DCC: variants seen among roughly 807,000 people sequenced by gnomAD.
DCC encodes the protein netrin receptor DCC.
DCC carries 58 observed loss-of-function variants against 172.5 expected under a neutral mutation model. That is an observed-to-expected ratio of 0.34 (90% CI 0.27 to 0.42). DCC has a LOEUF of 0.42. Among genes scored for constraint, DCC ranks in the 10% least tolerant of loss-of-function variants. The pLI, the probability that DCC is intolerant of heterozygous loss-of-function variation, is 1.00. For synonymous variants in DCC, 709 were observed against 644.5 expected, an observed-to-expected ratio of 1.10 and a Z score of -1.52; for missense variants, 1,740 against 1,791.0, an observed-to-expected ratio of 0.97 and a Z score of 0.51.
intron 26 of DCC, among the ~76,000 whole-genome samples, chr18:53,492,797 C>G (rs1568166242): frequency 6.6e-6 from 1 of 151,914 alleles, no homozygotes; most frequent in Non-Finnish European, 1.5e-5. Flanking sequence ...ATTCTCTTGG[C>G]TATATGAGCT....
At chr18:52,370,721 A>T (rs1456213112) in intron 1 of DCC, among the ~76,000 whole-genome samples, 1 of 152,218 alleles carries the variant, frequency 6.6e-6, no homozygotes, top group African/African-American at 2.4e-5. Flanking sequence ...ACTTAAAATA[A>T]AAGTTAAAGA....
intron 5 of DCC, among the ~76,000 whole-genome samples, chr18:53,045,902 GT>G (rs1306849288): frequency 1.3e-5 from 2 of 151,874 alleles, no homozygotes; most frequent in African/African-American, 2.4e-5. Context: ...GTCAAAGACT[GT>G]TTTCATCGAC....
intron 5 of DCC, among the ~76,000 whole-genome samples, chr18:52,953,023 A>AAAAAAAAAC (rs1410549172): frequency 6.7e-6 from 1 of 149,154 alleles, no homozygotes; most frequent in Admixed American, 6.9e-5. Flanking sequence ...AAAAAAAAAA[A>AAAAAAAAAC]AAAAACTCAT....
chr18:52,589,042 C>G (rs552456432), intron 1 of DCC, among the ~76,000 whole-genome samples: 44 of 152,080 alleles, frequency 2.9e-4, no homozygotes, highest in Non-Finnish European at 5.9e-4. Context: ...AAAGTGCATG[C>G]CCATAGAAGG....
At chr18:52,903,140 C>A (rs546288010) in intron 2 of DCC, among the ~76,000 whole-genome samples, 1 of 152,164 alleles carries the variant, frequency 6.6e-6, no homozygotes, top group African/African-American at 2.4e-5. Context: ...GCTCTAGAAC[C>A]TACTTGCAAA....
rs146448393 is a variant in DCC, at chr18:52,899,504, C to T, written c.413-6540C>T. ...AAGTAGCTGGGGTTACAGACATGTA[C>T]CACCACGCCCATCTAATTTTTTGTA... On this transcript the variant is annotated intron_variant, in intron 2 of 28. Coordinates refer to ENST00000442544, the MANE Select transcript of DCC (RefSeq NM_005215.4). Among the ~76,000 whole-genome samples the T allele has an allele frequency of 2.1e-3, 313 of 152,016 alleles. 1 individual carries two copies. Among genetic ancestry groups the T allele is most frequent in the African/African-American group, 7.2e-3 (297 of 41,482 alleles).
intron 1 of DCC, among the ~76,000 whole-genome samples, chr18:52,520,903 T>C (rs920189502): frequency 2.0e-5 from 3 of 152,166 alleles, no homozygotes; most frequent in African/African-American, 7.2e-5. Flanking sequence ...GTAAACAAAT[T>C]CTTTGGACTT....
intron 1 of DCC, among the ~76,000 whole-genome samples, chr18:52,567,381 G>A (rs1006160879): frequency 2.0e-5 from 3 of 151,958 alleles, no homozygotes; most frequent in African/African-American, 7.3e-5. Flanking sequence ...GATCAAAATG[G>A]CAGGAAAATG....
chr18:52,881,093 C>A (rs937645019), intron 2 of DCC, among the ~76,000 whole-genome samples: 1 of 152,028 alleles, frequency 6.6e-6, no homozygotes, highest in Non-Finnish European at 1.5e-5. Flanking sequence ...CTTTGATTTG[C>A]ATTTTTCTGA....
At position 52,887,271 on chromosome 18, in the gene DCC, C is replaced by A. The variant is rs114857498; in HGVS notation, c.413-18773C>A. Among the ~76,000 whole-genome samples, 315 of 151,616 alleles carry A rather than the reference C, an allele frequency of 2.1e-3. 1 individual carries two copies. Among genetic ancestry groups the A allele is most frequent in the African/African-American group, 7.2e-3 (299 of 41,404 alleles). ...TAATGCAGGCTCATCTATCCTTGTA[C>A]TACCTCTTCTAGCATTTAGAAACAA... On this transcript the variant is annotated intron_variant, in intron 2 of 28. Coordinates refer to ENST00000442544, the MANE Select transcript of DCC (RefSeq NM_005215.4).
chr18:53,042,017 C>T (rs574957895), intron 5 of DCC, among the ~76,000 whole-genome samples: 5 of 152,008 alleles, frequency 3.3e-5, no homozygotes, highest in Non-Finnish European at 7.4e-5. Context: ...GCCAGATTGT[C>T]CTGACCAGAA....
intron 7 of DCC, among the ~76,000 whole-genome samples, chr18:53,155,822 A>G (rs890412587): frequency 3.3e-5 from 5 of 152,166 alleles, no homozygotes; most frequent in African/African-American, 1.2e-4. Context: ...AGGTCAGGAG[A>G]TCAAGACCAG....
chr18:52,459,896 TATACACAC>T (rs1157651811), intron 1 of DCC, among the ~76,000 whole-genome samples: 23 of 149,982 alleles, frequency 1.5e-4, no homozygotes, highest in African/African-American at 5.4e-4. Context: ...TATATATATA[TATACACAC>T]ATATATATAC....
In DCC at chr18:53,091,605, C is replaced by T. The variant is rs2043010137; in HGVS notation, c.1261+25439C>T. 2.6e-5 allele frequency among the ~76,000 whole-genome samples: 4 copies of T among 151,254 alleles called. No homozygotes were observed. The South Asian group carries it at 8.3e-4, about 31-fold the overall frequency. On this transcript the variant is annotated intron_variant, in intron 7 of 28. Transcript: ENST00000442544. Reference sequence around the variant, plus strand: ...CTGCAGACTGATGGCTTCTTGTATCCTCGTACGGTGCAAAGAGAGAGAGAT... The same window carrying T: ...CTGCAGACTGATGGCTTCTTGTATCTTCGTACGGTGCAAAGAGAGAGAGAT...
At chr18:52,586,960 G>C (rs1364345601) in intron 1 of DCC, among the ~76,000 whole-genome samples, 1 of 152,176 alleles carries the variant, frequency 6.6e-6, no homozygotes, top group African/African-American at 2.4e-5. Flanking sequence ...CTTGGTCAGA[G>C]GCAATGCTGT....
At chr18:52,388,118 G>T (rs1985888755) in intron 1 of DCC, among the ~76,000 whole-genome samples, 1 of 151,968 alleles carries the variant, frequency 6.6e-6, no homozygotes, top group African/African-American at 2.4e-5. Flanking sequence ...AACATCTGTG[G>T]ACCCAGTGGC....
chr18:53,496,946 G>A (rs1032866142), intron 26 of DCC, among the ~76,000 whole-genome samples: 3 of 152,094 alleles, frequency 2.0e-5, no homozygotes, highest in African/African-American at 7.2e-5. Flanking sequence ...GAGTAAAAAA[G>A]GAAATAAAAC....
At chr18:53,070,752 A>G (rs2042640900) in intron 7 of DCC, among the ~76,000 whole-genome samples, 1 of 152,188 alleles carries the variant, frequency 6.6e-6, no homozygotes, top group East Asian at 1.9e-4. Flanking sequence ...GTAAAAGAAA[A>G]TGAAGATAAA....
chr18:52,721,312 AT>A (rs2036470714), intron 1 of DCC, among the ~76,000 whole-genome samples: 1 of 152,212 alleles, frequency 6.6e-6, no homozygotes, highest in East Asian at 1.9e-4. Flanking sequence ...CAAGTGAGTA[AT>A]TTAATGTTGG....
Sources: allele counts gnomAD v4.1 joint callset (sites outside exome capture counted in the v4.1 genomes callset), GRCh38; gene constraint gnomAD v4.1.1; transcripts MANE v1.5; gene names NCBI Gene and HGNC (gene_info 2026-07-23, HGNC 2026-07-21).